Variants in RPS6KL1 observed in about 807,000 individuals in gnomAD.
RPS6KL1 encodes the protein ribosomal protein S6 kinase like 1, also known as ribosomal protein S6 kinase-like 1.
In RPS6KL1, 41 loss-of-function variants were observed where a neutral mutation model predicts 57.0. That is an observed-to-expected ratio of 0.72 (90% confidence interval 0.56 to 0.93). RPS6KL1 has a LOEUF of 0.93. RPS6KL1 is among the 40% of genes least tolerant of loss of function. The pLI is 0.00. For missense variants in RPS6KL1, 697 were observed against 727.7 expected (o/e 0.96, Z 0.49); for synonymous variants, 287 against 309.7 (o/e 0.93, Z 0.77).
In RPS6KL1 at chr14:74,918,525, C is replaced by A; in HGVS notation, c.471G>T (p.Gly157=). The A allele has an allele frequency of 6.5e-7, 1 of 1,533,434 alleles. No individual in the cohort carries two copies. The highest frequency in any genetic ancestry group is 8.7e-7 in the Non-Finnish European group (1 of 1,145,578). 95.0% of individuals were successfully genotyped at this position (1,533,434 alleles called of 1,614,324 possible). A position where few individuals can be genotyped will look rare whatever the true frequency, so the allele number is the denominator to read the frequency against. The change falls in exon 5 of 12, where the codon GGG becomes GGT. Residue 157 remains glycine, a synonymous_variant. Transcript: ENST00000557413. ...VEQLRGCRVV[G]VIEKVQLVQD... ...TCCACTCACTCACCTTCTCGATGACCCCGACCACCCTGCAGCCCCTCAGCT... is the reference window on the plus strand; with the variant it reads ...TCCACTCACTCACCTTCTCGATGACACCGACCACCCTGCAGCCCCTCAGCT...
In RPS6KL1 at chr14:74,906,409, TG is replaced by T. The variant is rs537079155; in HGVS notation, c.*604del. 0.028 allele frequency: 4,498 copies of T among 161,666 alleles called. 187 individuals carry two copies. The highest frequency in any genetic ancestry group is 0.06 in the South Asian group (1,912 of 31,736). 10.0% of individuals were successfully genotyped at this position (161,666 alleles called of 1,614,324 possible). A position where few individuals can be genotyped will look rare whatever the true frequency, so the allele number is the denominator to read the frequency against. ...AGGGGGCATGGTCAGGAATCGGGGG[TG>T]GGGGGGTGGGGGTGGGGGTCATCCT... On this transcript the variant is annotated 3_prime_UTR_variant, in exon 12 of 12. Transcript: ENST00000557413.
At chr14:74,911,186 T>A in intron 7 of RPS6KL1, 62 bp downstream of exon 7, 1 of 1,547,216 alleles carries the variant, frequency 6.5e-7, no homozygotes, top group Non-Finnish European at 8.8e-7. Flanking sequence ...CTCCGCATTT[T>A]AAGGGTTGAC....
intron 2 of RPS6KL1, 195 bp downstream of exon 2, chr14:74,921,777 CTTTTTT>C (rs57626529): frequency 3.6e-5 from 30 of 836,316 alleles, no homozygotes; most frequent in East Asian, 5.6e-5. Context: ...GTTTTCTTTT[CTTTTTT>C]TTTTTTTTTT....
chr14:74,917,760 A>G (rs1037780681), intron 5 of RPS6KL1, among the ~76,000 whole-genome samples: 1 of 151,996 alleles, frequency 6.6e-6, no homozygotes, highest in Non-Finnish European at 1.5e-5. Context: ...AGGAGAGGAA[A>G]AAAAGGGCAG....
intron 3 of RPS6KL1, 148 bp downstream of exon 3, chr14:74,921,129 C>T (rs1481285989): frequency 1.5e-6 from 1 of 670,082 alleles, no homozygotes; most frequent in Non-Finnish European, 2.6e-6. Flanking sequence ...TGCCAGCTAT[C>T]ATTGTCTTTT....
chr14:74,909,576 G>C lies in RPS6KL1; in HGVS notation c.1237C>G (p.Leu413Val), dbSNP rs374560120. The C allele has an allele frequency of 8.7e-6, 14 of 1,611,014 alleles. No individual in the cohort carries two copies. In the South Asian group the frequency reaches 1.5e-4, roughly 18 times the overall value. Residue 413 changes from leucine to valine, a missense_variant, in exon 8 of 12, where the codon CTC becomes GTC. Transcript: ENST00000557413. ...LHEQGVLCRD[L>V]HPGNLLLDQA... ...TCCAGGAGCAGGTTCCCGGGGTGGA[G>C]GTCCCGGCACAGCACCCCCTGCTCG...
chr14:74,906,531 G>A lies in RPS6KL1; in HGVS notation c.*483C>T, dbSNP rs370183560. 2.2e-4 allele frequency: 115 copies of A among 516,262 alleles called. No homozygotes were observed. Among genetic ancestry groups the A allele is most frequent in the African/African-American group, 2.0e-3 (104 of 51,838 alleles). 32.0% of individuals were successfully genotyped at this position (516,262 alleles called of 1,614,324 possible). On this transcript the variant is annotated 3_prime_UTR_variant, in exon 12 of 12. Coordinates refer to ENST00000557413, the MANE Select transcript of RPS6KL1 (RefSeq NM_031464.5). ...AGCTTCTGGTGGAAGAGGCCTACTC[G>A]CTGTGTGACTAAGAGGACTAGCCAG...
chr14:74,909,390 C>T (rs935886017), intron 8 of RPS6KL1, 153 bp downstream of exon 8: 88 of 1,114,128 alleles, frequency 7.9e-5, no homozygotes, highest in Non-Finnish European at 1.0e-4. Context: ...CCAGGAGCCT[C>T]GGCCAACAGA....
Position 74,903,951 on chromosome 14 carries a change from T to C in RPS6KL1, c.*3063A>G, listed in dbSNP as rs1884413970. The C allele has an allele frequency of 6.6e-6, 1 of 152,240 alleles. No individual in the cohort carries two copies. The highest frequency in any genetic ancestry group is 2.1e-4 in the South Asian group (1 of 4,834). The allele number at this position is 152,240 out of a possible 1,614,324, so 9.4% of individuals were successfully genotyped here. A position where few individuals can be genotyped will look rare whatever the true frequency, so the allele number is the denominator to read the frequency against. The stretch of plus-strand genomic sequence containing the variant: ...AGTGTTGCCAAAAAGAGTCAACCTC[T>C]GTAAAAATATTTGAAGAGATTTATT... On this transcript the variant is annotated 3_prime_UTR_variant, in exon 12 of 12. Coordinates refer to ENST00000557413, the MANE Select transcript of RPS6KL1 (RefSeq NM_031464.5).
chr14:74,907,444 C>T lies in RPS6KL1; in HGVS notation c.1530G>A (p.Leu510=), dbSNP rs367747803. The T allele has an allele frequency of 3.2e-6, 5 of 1,578,922 alleles. No homozygotes were observed. In the African/African-American group the frequency reaches 5.4e-5, roughly 17 times the overall value. Reference sequence around the variant, plus strand: ...CCGGGCTACACCTCACCTCAGTCAGCAGAGAGGCCGCTGGGCGACTGAGCC... The same window carrying T: ...CCGGGCTACACCTCACCTCAGTCAGTAGAGAGGCCGCTGGGCGACTGAGCC... The part of the protein sequence containing the change: ...PEWLSRPAAS[L]LTELLQFEPT... Residue 510 remains leucine (L), a synonymous_variant, in exon 11 of 12, where the codon CTG becomes CTA. Transcript: ENST00000557413.
chr14:74,917,596 A>G (rs1887060663), intron 5 of RPS6KL1, among the ~76,000 whole-genome samples: 1 of 152,284 alleles, frequency 6.6e-6, no homozygotes, highest in Admixed American at 6.5e-5. Context: ...CTGGACTCTG[A>G]TTTGACCTCA....
intron 5 of RPS6KL1, among the ~76,000 whole-genome samples, chr14:74,917,691 C>T (rs764793973): frequency 4.6e-5 from 7 of 151,968 alleles, no homozygotes; most frequent in Non-Finnish European, 8.8e-5. Context: ...TCTTGTCTGC[C>T]CTGAATAAGG....
chr14:74,917,867 G>A (rs572220244), intron 5 of RPS6KL1, among the ~76,000 whole-genome samples: 2 of 152,336 alleles, frequency 1.3e-5, no homozygotes, highest in Non-Finnish European at 2.9e-5. Context: ...GTCCCCAGCT[G>A]TGCTCGGTAG....
Position 74,906,608 on chromosome 14 carries a change from T to C in RPS6KL1, c.*406A>G, listed in dbSNP as rs775912912. 5.6e-6 allele frequency: 3 copies of C among 531,580 alleles called. No individual in the cohort carries two copies. Among genetic ancestry groups the C allele is most frequent in the Non-Finnish European group, 1.2e-5 (3 of 259,960 alleles). 32.9% of individuals were successfully genotyped at this position (531,580 alleles called of 1,614,324 possible). A position where few individuals can be genotyped will look rare whatever the true frequency, so the allele number is the denominator to read the frequency against. ...CAGTGGATCAGTGTCCTGAGATGAG[T>C]CTCCAGAGATGTCCTGAGTGGGGCA... On this transcript the variant is annotated 3_prime_UTR_variant, in exon 12 of 12. Transcript: ENST00000557413.
At chr14:74,921,108 T>G (rs1176584686) in intron 3 of RPS6KL1, among the ~76,000 whole-genome samples, 169 bp downstream of exon 3, 1 of 152,228 alleles carries the variant, frequency 6.6e-6, no homozygotes, top group Non-Finnish European at 1.5e-5. Context: ...ATGTAGAAAC[T>G]GCTTAATAAG....
chr14:74,907,308 C>T, intron 11 of RPS6KL1, 127 bp downstream of exon 11: 1 of 1,455,550 alleles, frequency 6.9e-7, no homozygotes, highest in South Asian at 1.4e-5. Flanking sequence ...TGTGTTGCCC[C>T]TACTGCCCTC....
Position 74,921,506 on chromosome 14 carries a change from G to T in RPS6KL1, c.36C>A (p.Pro12=). 8 of 1,613,914 alleles carry T rather than the reference G, an allele frequency of 5.0e-6. No individual in the cohort carries two copies. The highest frequency in any genetic ancestry group is 5.9e-6 in the Non-Finnish European group (7 of 1,179,922). ...GTGAGCAAGGCTCAGGCTCCAGGCC[G>T]GGGCTGGGCAGGCACTCACAGGCCA... is the stretch of plus-strand genomic sequence containing the variant. ...SLVACECLPS[P]GLEPEPCSRA... Residue 12 remains proline (P), a synonymous_variant, in exon 3 of 12, where the codon CCC becomes CCA. Transcript: ENST00000557413.
chr14:74,907,740 A>G (rs982060974), intron 10 of RPS6KL1, among the ~76,000 whole-genome samples: 1 of 152,148 alleles, frequency 6.6e-6, no homozygotes, highest in Middle Eastern at 3.2e-3. Flanking sequence ...AGGTAAAGGG[A>G]CTTGTGCTGA....
chr14:74,906,595 G>A lies in RPS6KL1; in HGVS notation c.*419C>T, dbSNP rs184386701. ...GGGTCCACTGAGCCAGTGGATCAGT[G>A]TCCTGAGATGAGTCTCCAGAGATGT... is the stretch of plus-strand genomic sequence containing the variant. On this transcript the variant is annotated 3_prime_UTR_variant, in exon 12 of 12. Transcript: ENST00000557413. 1.7e-5 allele frequency: 9 copies of A among 531,420 alleles called. No homozygotes were observed. The highest frequency in any genetic ancestry group is 1.5e-4 in the African/African-American group (8 of 52,134). 32.9% of individuals were successfully genotyped at this position (531,420 alleles called of 1,614,324 possible).
Sources: allele counts gnomAD v4.1 joint callset (sites outside exome capture counted in the v4.1 genomes callset), GRCh38; gene constraint gnomAD v4.1.1; transcripts MANE v1.5; gene names NCBI Gene and HGNC (gene_info 2026-07-23, HGNC 2026-07-21).